Variants in NFAT5 observed in about 807,000 individuals in gnomAD.
The protein encoded by NFAT5 is nuclear factor of activated T cells 5.
In NFAT5, 31 loss-of-function variants were observed where a neutral mutation model predicts 166.5. That is an observed-to-expected ratio of 0.19 (90% CI 0.14 to 0.25). The LOEUF is 0.25. NFAT5 is among the 10% of genes least tolerant of loss of function. NFAT5 has a pLI of 1.00. For missense variants in NFAT5, 1,449 were observed against 1,821.8 expected (o/e 0.80, Z 3.72); for synonymous variants, 612 against 639.7 (o/e 0.96, Z 0.65).
chr16:69,666,466 A>C (rs553636676), intron 7 of NFAT5, among the ~76,000 whole-genome samples: 2 of 152,178 alleles, frequency 1.3e-5, no homozygotes, highest in South Asian at 4.1e-4. Flanking sequence ...ACTCAAACAG[A>C]TTTACAAGAA....
intron 3 of NFAT5, among the ~76,000 whole-genome samples, chr16:69,629,009 G>A (rs1434457172): frequency 1.3e-5 from 2 of 152,174 alleles, no homozygotes; most frequent in Non-Finnish European, 2.9e-5. Context: ...GAGAGGCGGA[G>A]GCTGCAGTGA....
At chr16:69,619,314 A>G (rs968343322) in intron 2 of NFAT5, among the ~76,000 whole-genome samples, 1 of 152,194 alleles carries the variant, frequency 6.6e-6, no homozygotes, top group Non-Finnish European at 1.5e-5. Context: ...GCTGTGCTCT[A>G]TCCGTGTATA....
intron 5 of NFAT5, among the ~76,000 whole-genome samples, chr16:69,654,526 A>T (rs970159535): frequency 6.6e-6 from 1 of 152,210 alleles, no homozygotes; most frequent in South Asian, 2.1e-4. Flanking sequence ...TGCTTTGTGT[A>T]AATATTTGTC....
chr16:69,694,298 G>T lies in NFAT5; in HGVS notation c.4414+59G>T, dbSNP rs532691937. Reference sequence around the variant, plus strand: ...TCATTATTATTATTAGAAGGAAGCAGAGTGCAGTGGTGCGATCTCAGCTCA... The same window carrying T: ...TCATTATTATTATTAGAAGGAAGCATAGTGCAGTGGTGCGATCTCAGCTCA... On this transcript the variant is annotated intron_variant, in intron 13 of 14. Transcript: ENST00000349945. 14 of 1,344,934 alleles carry T rather than the reference G, an allele frequency of 1.0e-5. No individual in the cohort carries two copies. In the African/African-American group the frequency reaches 1.9e-4, roughly 18 times the overall value. 83.3% of individuals were successfully genotyped at this position (1,344,934 alleles called of 1,614,324 possible). A position where few individuals can be genotyped will look rare whatever the true frequency, so the allele number is the denominator to read the frequency against.
chr16:69,603,436 A>G (rs953730241), intron 2 of NFAT5, among the ~76,000 whole-genome samples: 1 of 152,050 alleles, frequency 6.6e-6, no homozygotes, highest in Non-Finnish European at 1.5e-5. Flanking sequence ...CAAGTTTTTC[A>G]TTTATATGAT....
rs1422757600 is a variant in NFAT5, at chr16:69,701,451, A to T, written c.*5100A>T. 2.0e-5 allele frequency: 3 copies of T among 152,622 alleles called. No homozygotes were observed. Among genetic ancestry groups the T allele is most frequent in the Admixed American group, 1.3e-4 (2 of 15,270 alleles). The allele number at this position is 152,622 out of a possible 1,614,324, so 9.5% of individuals were successfully genotyped here. On this transcript the variant is annotated 3_prime_UTR_variant, in exon 15 of 15. Coordinates refer to ENST00000349945, the MANE Select transcript of NFAT5 (RefSeq NM_138713.4). ...AAACACATAAACAAATAGTTTCAGT[A>T]GGTCCCAGCTTTTACTTTTTCCATT...
chr16:69,580,796 C>T (rs2031630119), intron 2 of NFAT5, among the ~76,000 whole-genome samples: 1 of 152,032 alleles, frequency 6.6e-6, no homozygotes, highest in Non-Finnish European at 1.5e-5. Context: ...GCTGGGACTA[C>T]AGGTGCCCGC....
In NFAT5 at chr16:69,653,204, T is replaced by C. The variant is rs7196193; in HGVS notation, c.813-32T>C. ...TTTTTTATCAAAAAACTCTTTTTGA[T>C]ACTTTCTCCATGTTGTGCTTTGATT... On this transcript the variant is annotated intron_variant, in intron 4 of 14. Coordinates refer to ENST00000349945, the MANE Select transcript of NFAT5 (RefSeq NM_138713.4). 7.9e-3 allele frequency: 11,422 copies of C among 1,447,142 alleles called. 832 individuals are homozygous for C. In the African/African-American group the frequency reaches 0.15, roughly 19 times the overall value. The allele number at this position is 1,447,142 out of a possible 1,614,324, so 89.6% of individuals were successfully genotyped here.
intron 11 of NFAT5, 160 bp from the exon 12 acceptor site, chr16:69,690,780 A>G: frequency 2.1e-6 from 1 of 477,614 alleles, no homozygotes; most frequent in South Asian, 4.4e-5. Context: ...ACTTCATAAA[A>G]GGGAAGATAT....
At chr16:69,643,366 G>A (rs1460354750) in intron 3 of NFAT5, among the ~76,000 whole-genome samples, 1 of 151,976 alleles carries the variant, frequency 6.6e-6, no homozygotes, top group Non-Finnish European at 1.5e-5. Context: ...GGGAATGCTT[G>A]GAAATGACTA....
At chr16:69,661,056 C>G (rs1036206982) in intron 7 of NFAT5, among the ~76,000 whole-genome samples, 1 of 149,978 alleles carries the variant, frequency 6.7e-6, no homozygotes, top group Non-Finnish European at 1.5e-5. Flanking sequence ...ATGATCTGCC[C>G]ACTCCTCCCA....
chr16:69,621,986 T>TA (rs1337444538), intron 2 of NFAT5, among the ~76,000 whole-genome samples: 3 of 145,790 alleles, frequency 2.1e-5, no homozygotes, highest in Non-Finnish European at 4.5e-5. Flanking sequence ...TAAAATAAAA[T>TA]AAATAAAGTG....
chr16:69,683,496 A>T (rs944221178), intron 10 of NFAT5, among the ~76,000 whole-genome samples: 6 of 152,196 alleles, frequency 3.9e-5, no homozygotes, highest in Non-Finnish European at 8.8e-5. Context: ...ACGCCACTGC[A>T]CTTCAGCCTG....
In NFAT5 at chr16:69,566,047, CCCCCTT is replaced by C. The variant is rs1406665783; in HGVS notation, c.-244_-239del. On this transcript the variant is annotated 5_prime_UTR_variant, in exon 1 of 15. Coordinates refer to ENST00000349945, the MANE Select transcript of NFAT5 (RefSeq NM_138713.4). The surrounding 1 kb of genome is among the most constrained non-coding windows in gnomAD (Gnocchi z 5.7). ...AACACGAAACGGACCCTTTGGCTCT[CCCCCTT>C]CCCCTTCCCCGTCCTGAACCCCTCT... 1 of 416,100 alleles carries C rather than the reference CCCCCTT, an allele frequency of 2.4e-6. No individual in the cohort carries two copies. Among genetic ancestry groups the C allele is most frequent in the Non-Finnish European group, 4.1e-6 (1 of 246,650 alleles). The allele number at this position is 416,100 out of a possible 1,614,324, so 25.8% of individuals were successfully genotyped here.
At position 69,676,955 on chromosome 16, in the gene NFAT5, G is replaced by C. The variant is rs200032324; in HGVS notation, c.1558-248G>C. On this transcript the variant is annotated intron_variant, in intron 9 of 14. Transcript: ENST00000349945. ...GGCTACAGTGTAGTGAGCTAGAAGA[G>C]CAGGAATGAGATGAAGTTGACAGGG... 9 of 395,538 alleles carry C rather than the reference G, an allele frequency of 2.3e-5. No homozygotes were observed. In the East Asian group the frequency reaches 4.9e-4, roughly 21 times the overall value. 24.5% of individuals were successfully genotyped at this position (395,538 alleles called of 1,614,324 possible).
intron 3 of NFAT5, among the ~76,000 whole-genome samples, chr16:69,631,590 A>G (rs1183518222): frequency 2.6e-5 from 4 of 152,144 alleles, no homozygotes; most frequent in Non-Finnish European, 5.9e-5. Flanking sequence ...TTTTAGAAGT[A>G]ACAGTACACT....
At chr16:69,619,632 ATTAATG>A (rs2034113182) in intron 2 of NFAT5, among the ~76,000 whole-genome samples, 2 of 152,312 alleles carry the variant, frequency 1.3e-5, no homozygotes, top group East Asian at 3.9e-4. Flanking sequence ...TAATTATGTT[ATTAATG>A]TTGTTATTTT....
In NFAT5 at chr16:69,660,554, G is replaced by C. The variant is rs1320390045; in HGVS notation, c.1369+655G>C. ...CTGTTTTGTGTTAGAACATGAGTAA[G>C]GTAAGCAGAACTTTGCAAATAACAA... On this transcript the variant is annotated intron_variant, in intron 7 of 14. Transcript: ENST00000349945. Among the ~76,000 whole-genome samples, 3 of 152,170 alleles carry C rather than the reference G, an allele frequency of 2.0e-5. No individual in the cohort carries two copies. The East Asian group carries it at 5.8e-4, about 29-fold the overall frequency.
intron 3 of NFAT5, chr16:69,632,721 T>C (rs1457515721): frequency 6.6e-6 from 1 of 152,180 alleles, no homozygotes; most frequent in Non-Finnish European, 1.5e-5. Context: ...TCAGAATTTT[T>C]GCCACCTAAT....
Sources: gnomAD v4.1 joint callset for allele counts (sites outside exome capture counted in the v4.1 genomes callset) on GRCh38, gnomAD v4.1.1 for gene constraint, Gnocchi (gnomAD v3.1) non-coding constraint, MANE v1.5 for transcripts, NCBI Gene and HGNC (gene_info 2026-07-23, HGNC 2026-07-21) for gene names.